The following UBE2D2 variants were observed in gnomAD, a reference collection of about 807,000 sequenced individuals.
UBE2D2 encodes ubiquitin-conjugating enzyme E2 D2.
UBE2D2 carries 2 observed loss-of-function variants against 24.2 expected under a neutral mutation model. The observed-to-expected ratio is 0.08, with a 90% CI of 0.03 to 0.26. The LOEUF is 0.26. UBE2D2 is among the 10% of genes least tolerant of loss of function. The pLI, the probability that UBE2D2 is intolerant of heterozygous loss-of-function variation, is 1.00. For synonymous variants in UBE2D2, 58 were observed against 56.5 expected (o/e 1.03, Z -0.12); for missense variants, 44 against 177.6 (o/e 0.25, Z 4.28).
At chr5:139,568,919 G>T (rs1183546097) in intron 1 of UBE2D2, among the ~76,000 whole-genome samples, 2 of 152,032 alleles carry the variant, frequency 1.3e-5, no homozygotes, top group Non-Finnish European at 2.9e-5. Context: ...GTGGTGAGCT[G>T]AGATCGCACC....
chr5:139,590,790 T>TTC (rs1753831002), intron 1 of UBE2D2, among the ~76,000 whole-genome samples: 1 of 123,242 alleles, frequency 8.1e-6, no homozygotes, highest in Admixed American at 8.1e-5. Flanking sequence ...TTCTTTTTTT[T>TTC]TTTTTTTTTT....
At chr5:139,579,056 C>A (rs1753541688) in intron 1 of UBE2D2, among the ~76,000 whole-genome samples, 1 of 152,226 alleles carries the variant, frequency 6.6e-6, no homozygotes, top group Admixed American at 6.5e-5. Flanking sequence ...CAACCTCTGC[C>A]TCCCAGGTTC....
intron 1 of UBE2D2, among the ~76,000 whole-genome samples, chr5:139,576,211 A>G (rs1753465351): frequency 6.6e-6 from 1 of 152,192 alleles, no homozygotes; most frequent in Non-Finnish European, 1.5e-5. Flanking sequence ...CGGGTGGCTT[A>G]AAGTAACAGA....
At chr5:139,531,475 A>C (rs1398123777) in intron 1 of UBE2D2, among the ~76,000 whole-genome samples, 1 of 152,082 alleles carries the variant, frequency 6.6e-6, no homozygotes, top group African/African-American at 2.4e-5. Context: ...ATCGGATTTT[A>C]AGGCAGTAGC....
chr5:139,538,708 T>C (rs2126630918), intron 1 of UBE2D2, among the ~76,000 whole-genome samples: 1 of 152,008 alleles, frequency 6.6e-6, no homozygotes, highest in East Asian at 2.0e-4. Flanking sequence ...CTGTCTCTAC[T>C]AAAAATACAA....
At chr5:139,556,266 C>T (rs1752980380), upstream of UBE2D2, among the ~76,000 whole-genome samples, 1 of 151,388 alleles carries the variant, frequency 6.6e-6, no homozygotes, top group South Asian at 2.1e-4. Flanking sequence ...CAAACATTAG[C>T]TGGGCGTGGT....
chr5:139,573,018 G>A (rs1294347843), intron 1 of UBE2D2, among the ~76,000 whole-genome samples: 1 of 151,976 alleles, frequency 6.6e-6, no homozygotes, highest in Non-Finnish European at 1.5e-5. Context: ...TTATCAAGAT[G>A]AGGCTGGGCG....
chr5:139,583,896 G>A (rs1753660385), intron 1 of UBE2D2, among the ~76,000 whole-genome samples: 2 of 152,130 alleles, frequency 1.3e-5, no homozygotes, highest in South Asian at 4.1e-4. Context: ...TATGACAGTG[G>A]TCCCATAAGA....
At chr5:139,588,044 GTCTCCAAC>G (rs1753768878) in intron 1 of UBE2D2, among the ~76,000 whole-genome samples, 1 of 152,116 alleles carries the variant, frequency 6.6e-6, no homozygotes, top group Non-Finnish European at 1.5e-5. Flanking sequence ...GCTCACTGCA[GTCTCCAAC>G]TCCTGGGCAC....
intron 1 of UBE2D2, among the ~76,000 whole-genome samples, chr5:139,533,266 C>A (rs919380163): frequency 6.6e-6 from 1 of 151,798 alleles, no homozygotes; most frequent in Admixed American, 6.6e-5. Context: ...TCACTACAAC[C>A]TCTGTGTTGA....
intron 2 of UBE2D2, chr5:139,611,949 A>G (rs1256281809): frequency 6.6e-6 from 1 of 151,898 alleles, no homozygotes; most frequent in African/African-American, 2.4e-5. Context: ...AACAGAAAGA[A>G]GAAAAATAAT....
intron 1 of UBE2D2, among the ~76,000 whole-genome samples, chr5:139,564,030 G>A (rs1753165507): frequency 6.6e-6 from 1 of 152,128 alleles, no homozygotes; most frequent in East Asian, 1.9e-4. Flanking sequence ...CAAAACATAC[G>A]TTTTAATTAA....
intron 1 of UBE2D2, among the ~76,000 whole-genome samples, chr5:139,550,994 C>T (rs1669926329): frequency 6.6e-6 from 1 of 152,174 alleles, no homozygotes. Context: ...CTCAGCACCA[C>T]TGACCTTGGT....
chr5:139,610,489 G>C (rs1488989897), intron 2 of UBE2D2, among the ~76,000 whole-genome samples: 2 of 151,790 alleles, frequency 1.3e-5, no homozygotes, highest in African/African-American at 2.4e-5. Context: ...GCAGTGAGCT[G>C]AGATCATGCC....
intron 1 of UBE2D2, among the ~76,000 whole-genome samples, chr5:139,537,208 G>A (rs1752695740): frequency 6.6e-6 from 1 of 150,726 alleles, no homozygotes; most frequent in Non-Finnish European, 1.5e-5. Context: ...ACAACAAAAA[G>A]TAATATACCC....
chr5:139,622,991 C>G (rs1450644304), intron 5 of UBE2D2, among the ~76,000 whole-genome samples: 1 of 151,988 alleles, frequency 6.6e-6, no homozygotes, highest in Non-Finnish European at 1.5e-5. Context: ...ATCACGAGGT[C>G]AGGAGTTCCA....
At chr5:139,542,563 A>C (rs1245516644) in intron 1 of UBE2D2, among the ~76,000 whole-genome samples, 2 of 152,060 alleles carry the variant, frequency 1.3e-5, no homozygotes, top group East Asian at 1.9e-4. Flanking sequence ...TCAAATCATC[A>C]GCCTGCCTCA....
chr5:139,549,226 C>T (rs968617604), intron 1 of UBE2D2, among the ~76,000 whole-genome samples: 3 of 152,164 alleles, frequency 2.0e-5, no homozygotes, highest in Non-Finnish European at 4.4e-5. Context: ...TCCTCGGCCT[C>T]GGCGTCCACT....
rs541306845 is a variant in UBE2D2, at chr5:139,604,295, C to T, written c.88+3860C>T. 2.2e-3 allele frequency among the ~76,000 whole-genome samples: 330 copies of T among 151,920 alleles called. 3 individuals are homozygous for T. Among genetic ancestry groups the T allele is most frequent in the Admixed American group, 7.7e-3 (117 of 15,196 alleles). ...AGCTGATTATAGGCACGTGCCCCGCCGCCCAGCTAATTTTCGTATTTTTGG... is the reference window on the plus strand; with the variant it reads ...AGCTGATTATAGGCACGTGCCCCGCTGCCCAGCTAATTTTCGTATTTTTGG... On this transcript the variant is annotated intron_variant, in intron 2 of 6. Coordinates refer to ENST00000398733, the MANE Select transcript of UBE2D2 (RefSeq NM_003339.3).
Sources: allele counts gnomAD v4.1 joint callset (sites outside exome capture counted in the v4.1 genomes callset), GRCh38; gene constraint gnomAD v4.1.1; transcripts MANE v1.5; gene names NCBI Gene and HGNC (gene_info 2026-07-23, HGNC 2026-07-21).